TPO: variants seen among roughly 807,000 people sequenced by gnomAD.
TPO encodes the protein thyroid peroxidase.
In TPO, 78 loss-of-function variants were observed where a neutral mutation model predicts 96.9. The observed-to-expected ratio is 0.81, with a 90% CI of 0.67 to 0.97. TPO has a LOEUF of 0.97. TPO is among the 50% of genes least tolerant of loss of function. TPO has a pLI of 0.00. For missense variants in TPO, 1,252 were observed against 1,274.8 expected (o/e 0.98, Z 0.27); for synonymous variants, 547 against 538.0 (o/e 1.02, Z -0.23).
chr2:1,414,594 C>T (rs1017687440), intron 2 of TPO, 92 bp downstream of exon 2: 1 of 1,163,932 alleles, frequency 8.6e-7, no homozygotes, highest in African/African-American at 1.5e-5. Flanking sequence ...TCCTGAGAGT[C>T]ACTTTAGGCC....
At chr2:1,396,285 A>G (rs2148366374) in intron 1 of TPO, among the ~76,000 whole-genome samples, 1 of 152,342 alleles carries the variant, frequency 6.6e-6, no homozygotes, top group African/African-American at 2.4e-5. Context: ...TGGGAGTTGA[A>G]GGGCACAGAC....
intron 7 of TPO, among the ~76,000 whole-genome samples, chr2:1,469,811 G>T (rs944023024): frequency 6.6e-6 from 1 of 152,198 alleles, no homozygotes; most frequent in Non-Finnish European, 1.5e-5. Flanking sequence ...CACAGTATTT[G>T]GGGTGTCTCC....
chr2:1,537,470 T>TCAAATACCCCCACTGTGTGCAACCTCCC (rs1480411869), intron 15 of TPO, among the ~76,000 whole-genome samples: 668 of 41,852 alleles, frequency 0.016, 4 homozygotes, highest in East Asian at 0.028. Context: ...TGCAACCTCC[T>TCAAATACCCCCACTGTGTGCAACCTCCC]CAAATTCTTC....
chr2:1,477,856 T>C, intron 8 of TPO: 4 of 985,358 alleles, frequency 4.1e-6, no homozygotes, highest in Non-Finnish European at 4.8e-6. Context: ...CTGGCGGCCC[T>C]CCGGGGCCCC....
chr2:1,478,109 G>A, intron 8 of TPO: 1 of 985,482 alleles, frequency 1.0e-6, no homozygotes, highest in African/African-American at 1.7e-5. Flanking sequence ...CCGACTCTGT[G>A]TGAGGATTCT....
chr2:1,535,149 C>CAG, intron 15 of TPO, among the ~76,000 whole-genome samples: 4 of 13,458 alleles, frequency 3.0e-4, no homozygotes, highest in Non-Finnish European at 2.7e-4. Flanking sequence ...CTCCCCAAAT[C>CAG]CCCCCCCCCC....
At chr2:1,525,081 TCC>T (rs1676130981) in intron 15 of TPO, among the ~76,000 whole-genome samples, 1 of 34,512 alleles carries the variant, frequency 2.9e-5, no homozygotes, top group Non-Finnish European at 5.2e-5. Context: ...CCCCCCCAAA[TCC>T]CCCTACTGTG....
At chr2:1,438,391 C>T (rs1180977754) in intron 5 of TPO, among the ~76,000 whole-genome samples, 1 of 152,154 alleles carries the variant, frequency 6.6e-6, no homozygotes, top group Admixed American at 6.5e-5. Flanking sequence ...CTCTCCGTGG[C>T]CCGAAGCACT....
In TPO at chr2:1,516,946, G is replaced by C. The variant is rs377574661; in HGVS notation, c.2582G>C (p.Gly861Ala). Residue 861 changes from glycine to alanine, a missense_variant, in exon 15 of 17, where the codon GGC becomes GCC. Transcript: ENST00000329066. ...TCGCTGGCTGCTCTGCTGATCGGAG[G>C]CTTCGCAGGTCTCACCTCGACGGTG... ...SMSLAALLIG[G>A]FAGLTSTVIC... 1.9e-6 allele frequency: 3 copies of C among 1,613,968 alleles called. No homozygotes were observed. Among genetic ancestry groups the C allele is most frequent in the Admixed American group, 1.7e-5 (1 of 60,028 alleles).
At position 1,414,487 on chromosome 2, in the gene TPO, A is replaced by T; in HGVS notation, c.79A>T (p.Lys27Ter). The T allele has an allele frequency of 6.2e-7, 1 of 1,613,966 alleles. No individual in the cohort carries two copies. The highest frequency in any genetic ancestry group is 8.5e-7 in the Non-Finnish European group (1 of 1,179,934). ...CTTCTTCCCCTTCATCTCGAGAGGG[A>T]AAGAACTCCTTTGGGGTAAGTAGCA... ...EAFFPFISRG[K>*]ELLWGKPEES... Residue 27 changes from lysine to a stop codon, truncating the protein, a stop_gained, in exon 2 of 17, where the codon AAA (lysine) becomes TAA (stop). Coordinates refer to ENST00000329066, the MANE Select transcript of TPO (RefSeq NM_001206744.2). LOFTEE classifies it high-confidence loss of function.
chr2:1,454,504 C>T (rs989146368), intron 6 of TPO, among the ~76,000 whole-genome samples: 1 of 152,114 alleles, frequency 6.6e-6, no homozygotes, highest in African/African-American at 2.4e-5. Context: ...TTTTCCTAGG[C>T]GGGCTTTTAG....
At position 1,524,644 on chromosome 2, in the gene TPO, T is replaced by A. The variant is rs572169967; in HGVS notation, c.2618+7662T>A. Among the ~76,000 whole-genome samples, 96 of 87,676 alleles carry A rather than the reference T, an allele frequency of 1.1e-3. 5 individuals are homozygous for A. The highest frequency in any genetic ancestry group is 1.9e-3 in the Non-Finnish European group (85 of 44,584). 57.5% of individuals were successfully genotyped at this position (87,676 alleles called of 152,430 possible). On this transcript the variant is annotated intron_variant, in intron 15 of 16. Transcript: ENST00000329066. ...AACCTCCTCAAATCCCCCTACTGCCTGCAACCTCCTCAAATCCCCCCACTG... is the reference window on the plus strand; with the variant it reads ...AACCTCCTCAAATCCCCCTACTGCCAGCAACCTCCTCAAATCCCCCCACTG...
chr2:1,438,933 A>G, intron 5 of TPO: 2 of 707,368 alleles, frequency 2.8e-6, no homozygotes, highest in Non-Finnish European at 5.2e-6. Context: ...CTTTTCTCCA[A>G]TGACGTCTAC....
At chr2:1,414,933 TAATAA>T (rs948692136) in intron 2 of TPO, among the ~76,000 whole-genome samples, 1 of 152,254 alleles carries the variant, frequency 6.6e-6, no homozygotes, top group African/African-American at 2.4e-5. Context: ...GCTTTTCTTT[TAATAA>T]AATAAATAAA....
chr2:1,391,512 C>G (rs960634973), intron 1 of TPO, among the ~76,000 whole-genome samples: 41 of 152,036 alleles, frequency 2.7e-4, no homozygotes, highest in South Asian at 6.2e-4. Flanking sequence ...TTTTTTGCTT[C>G]CATATGAACT....
At chr2:1,449,043 A>C (rs1351769752) in intron 5 of TPO, among the ~76,000 whole-genome samples, 1 of 152,192 alleles carries the variant, frequency 6.6e-6, no homozygotes, top group Admixed American at 6.5e-5. Flanking sequence ...TTCTGCACTA[A>C]GCCTCTTTCG....
chr2:1,522,457 G>A (rs552521259), intron 15 of TPO, among the ~76,000 whole-genome samples: 25 of 134,980 alleles, frequency 1.9e-4, no homozygotes, highest in African/African-American at 5.7e-4. Context: ...GCCTGCCACC[G>A]TGCCCTCACA....
At chr2:1,438,732 A>G in intron 5 of TPO, 1 of 696,762 alleles carries the variant, frequency 1.4e-6, no homozygotes, top group Non-Finnish European at 2.6e-6. Flanking sequence ...CTCACACATG[A>G]TCTAAATCTT....
intron 10 of TPO, 53 bp from the exon 11 acceptor site, chr2:1,493,749 T>C (rs1672040188): frequency 6.2e-7 from 1 of 1,605,946 alleles, no homozygotes; most frequent in African/African-American, 1.3e-5. Flanking sequence ...TGAGATGGGC[T>C]GAACAAAAGT....
Sources: allele counts gnomAD v4.1 joint callset (sites outside exome capture counted in the v4.1 genomes callset), GRCh38; gene constraint gnomAD v4.1.1; transcripts MANE v1.5; gene names NCBI Gene and HGNC (gene_info 2026-07-23, HGNC 2026-07-21).